ZNF407: variants seen among roughly 807,000 people sequenced by gnomAD.
ZNF407 encodes zinc finger protein 407.
ZNF407 carries 17 observed loss-of-function variants against 131.2 expected under a neutral mutation model. The observed-to-expected ratio is 0.13, with a 90% CI of 0.09 to 0.19. ZNF407 has a LOEUF of 0.19. Among genes scored for constraint, ZNF407 ranks in the 10% least tolerant of loss-of-function variants. The pLI, the probability that ZNF407 is intolerant of heterozygous loss-of-function variation, is 1.00. For missense variants in ZNF407, 2,681 were observed against 2,830.6 expected, an observed-to-expected ratio of 0.95 and a Z score of 1.20; for synonymous variants, 1,156 against 1,062.0, an observed-to-expected ratio of 1.09 and a Z score of -1.72.
At chr18:74,901,085 A>C (rs888787823) in intron 7 of ZNF407, among the ~76,000 whole-genome samples, 1 of 152,144 alleles carries the variant, frequency 6.6e-6, no homozygotes, top group African/African-American at 2.4e-5. Flanking sequence ...TGTTTCCATG[A>C]CTTAGGGTGC....
chr18:74,848,150 T>C (rs979611627), intron 4 of ZNF407, among the ~76,000 whole-genome samples: 3 of 152,300 alleles, frequency 2.0e-5, no homozygotes, highest in South Asian at 2.1e-4. Flanking sequence ...TCCAGACTTA[T>C]TATATATTTC....
intron 1 of ZNF407, among the ~76,000 whole-genome samples, chr18:74,615,302 C>G (rs564666087): frequency 6.6e-6 from 1 of 152,180 alleles, no homozygotes; most frequent in Admixed American, 6.5e-5. Flanking sequence ...GTCAAGAGAT[C>G]GAGACCATCC....
chr18:75,032,587 CT>C (rs1244225314), intron 8 of ZNF407, among the ~76,000 whole-genome samples: 3 of 152,248 alleles, frequency 2.0e-5, no homozygotes, highest in Non-Finnish European at 2.9e-5. Context: ...AGTTTTCCCC[CT>C]GCCCACTAAC....
chr18:74,982,904 C>A (rs934642488), intron 8 of ZNF407, among the ~76,000 whole-genome samples: 5 of 152,098 alleles, frequency 3.3e-5, no homozygotes, highest in Admixed American at 1.3e-4. Flanking sequence ...ACTCATCAAC[C>A]CTGTTCATTG....
intron 3 of ZNF407, among the ~76,000 whole-genome samples, chr18:74,777,167 T>C (rs1252459746): frequency 6.6e-6 from 1 of 152,168 alleles, no homozygotes; most frequent in Non-Finnish European, 1.5e-5. Flanking sequence ...AATAGGTCTT[T>C]ATTATATGGT....
chr18:74,819,886 G>A (rs1270534238), intron 4 of ZNF407, among the ~76,000 whole-genome samples: 1 of 152,188 alleles, frequency 6.6e-6, no homozygotes, highest in Non-Finnish European at 1.5e-5. Flanking sequence ...CAGTGAGATT[G>A]TAGTGCTGTG....
At chr18:74,799,695 G>A (rs1483360181) in intron 4 of ZNF407, among the ~76,000 whole-genome samples, 1 of 151,930 alleles carries the variant, frequency 6.6e-6, no homozygotes, top group Non-Finnish European at 1.5e-5. Flanking sequence ...ATATTGTTTG[G>A]ATTAGCATTC....
rs1970877882 is a variant in ZNF407, at chr18:74,857,677, T to G, written c.4878-19520T>G. Among the ~76,000 whole-genome samples the G allele has an allele frequency of 3.3e-5, 5 of 152,180 alleles. No individual in the cohort carries two copies. In the South Asian group the frequency reaches 1.0e-3, roughly 32 times the overall value. On this transcript the variant is annotated intron_variant, in intron 4 of 8. Transcript: ENST00000299687. ...GTGAATTTGCCTTATAGTAATATCATAGTTTGTAATTATGTGAAAATTATG... is the reference window on the plus strand; with the variant it reads ...GTGAATTTGCCTTATAGTAATATCAGAGTTTGTAATTATGTGAAAATTATG...
At chr18:74,921,774 G>A (rs1280638191) in intron 8 of ZNF407, among the ~76,000 whole-genome samples, 1 of 152,140 alleles carries the variant, frequency 6.6e-6, no homozygotes, top group Non-Finnish European at 1.5e-5. Flanking sequence ...CATATGATGG[G>A]GTCGTTAGTA....
At chr18:74,791,347 A>G (rs2145050359) in intron 4 of ZNF407, among the ~76,000 whole-genome samples, 1 of 152,370 alleles carries the variant, frequency 6.6e-6, no homozygotes, top group African/African-American at 2.4e-5. Context: ...ATATGATGTC[A>G]ATATAAAGAT....
At chr18:74,651,607 A>G (rs1487042551) in intron 3 of ZNF407, among the ~76,000 whole-genome samples, 2 of 152,202 alleles carry the variant, frequency 1.3e-5, no homozygotes, top group Admixed American at 6.5e-5. Flanking sequence ...AATTAATGGG[A>G]TGCATATTTG....
At chr18:74,804,754 A>AAG in intron 4 of ZNF407, 1 of 393,156 alleles carries the variant, frequency 2.5e-6, no homozygotes, top group Non-Finnish European at 3.5e-6. Context: ...GTTGTTTCCT[A>AAG]TATTACTTAG....
At position 74,975,484 on chromosome 18, in the gene ZNF407, G is replaced by A. The variant is rs148914777; in HGVS notation, c.5428+54792G>A. Among the ~76,000 whole-genome samples, 1,176 of 152,054 alleles carry A rather than the reference G, an allele frequency of 7.7e-3. 12 individuals carry two copies. The highest frequency in any genetic ancestry group is 0.012 in the Non-Finnish European group (795 of 67,920). ...TCATAAAGATATAAGTTGTTTGATC[G>A]AAATTCTACTTCTATTTGAGCTTTG... On this transcript the variant is annotated intron_variant, in intron 8 of 8. Coordinates refer to ENST00000299687, the MANE Select transcript of ZNF407 (RefSeq NM_017757.3).
chr18:74,920,828 A>G lies in ZNF407; in HGVS notation c.5428+136A>G, dbSNP rs150055269. ...TGATAGTATCTGCTTCAAGACCTAT[A>G]GAAAAGTACATTCCAGTTTGATCCC... On this transcript the variant is annotated intron_variant, in intron 8 of 8. Coordinates refer to ENST00000299687, the MANE Select transcript of ZNF407 (RefSeq NM_017757.3). 9.3e-4 allele frequency: 1,225 copies of G among 1,311,126 alleles called. 10 individuals are homozygous for G. In the African/African-American group the frequency reaches 0.015, roughly 16 times the overall value. The allele number at this position is 1,311,126 out of a possible 1,614,324, so 81.2% of individuals were successfully genotyped here. A position where few individuals can be genotyped will look rare whatever the true frequency, so the allele number is the denominator to read the frequency against.
intron 8 of ZNF407, among the ~76,000 whole-genome samples, chr18:75,025,978 C>T (rs1181466287): frequency 1.3e-5 from 2 of 152,062 alleles, no homozygotes; most frequent in Admixed American, 6.5e-5. Flanking sequence ...AATAACACGG[C>T]GTTAATTGAA....
At chr18:75,011,067 G>T (rs1390443239) in intron 8 of ZNF407, among the ~76,000 whole-genome samples, 3 of 152,166 alleles carry the variant, frequency 2.0e-5, no homozygotes, top group Admixed American at 6.6e-5. Context: ...TGTGGAATTA[G>T]TGGGTTGAAA....
intron 3 of ZNF407, among the ~76,000 whole-genome samples, chr18:74,735,797 T>C (rs1040281532): frequency 1.3e-5 from 2 of 152,224 alleles, no homozygotes; most frequent in African/African-American, 4.8e-5. Context: ...TTGGAAAGTT[T>C]GAGTATATTT....
At chr18:74,938,238 T>C (rs4891202) in intron 8 of ZNF407, among the ~76,000 whole-genome samples, 23,370 of 152,154 alleles carry the variant, frequency 0.15, 2,025 homozygotes, top group Admixed American at 0.27. Flanking sequence ...AGGGTGATCT[T>C]ATCCCCAGCA....
chr18:74,710,453 C>G (rs9319682), intron 3 of ZNF407, among the ~76,000 whole-genome samples: 2 of 152,084 alleles, frequency 1.3e-5, no homozygotes, highest in Non-Finnish European at 2.9e-5. Context: ...CTAAAATACG[C>G]GAGCAGTGTA....
Sources: allele counts gnomAD v4.1 joint callset (sites outside exome capture counted in the v4.1 genomes callset), GRCh38; gene constraint gnomAD v4.1.1; transcripts MANE v1.5; gene names NCBI Gene and HGNC (gene_info 2026-07-23, HGNC 2026-07-21).